Variants in PGPEP1L observed in about 807,000 individuals in gnomAD.
The protein encoded by PGPEP1L is pyroglutamyl-peptidase I like, also known as pyroglutamyl-peptidase 1-like protein.
Under a neutral mutation model 6.0 loss-of-function variants are expected in PGPEP1L, and 7 were observed. The observed-to-expected ratio is 1.17, with a 90% CI of 0.66 to 2.19. PGPEP1L has a LOEUF of 2.19. PGPEP1L is among the 30% of genes most tolerant of loss of function. The pLI is 0.00. For missense variants in PGPEP1L, 209 were observed against 192.5 expected, an observed-to-expected ratio of 1.09 and a Z score of -0.51; for synonymous variants, 103 against 83.9, an observed-to-expected ratio of 1.23 and a Z score of -1.24.
At chr15:98,975,134 T>C in intron 2 of PGPEP1L, among the ~76,000 whole-genome samples, 1 of 152,222 alleles carries the variant, frequency 6.6e-6, no homozygotes, top group South Asian at 2.1e-4. Context: ...TGGAATATTG[T>C]TCAGCCAGAA....
intron 2 of PGPEP1L, among the ~76,000 whole-genome samples, chr15:98,991,105 A>G (rs377758112): frequency 1.3e-5 from 2 of 152,164 alleles, no homozygotes; most frequent in African/African-American, 4.8e-5. Context: ...GAAATAACTA[A>G]GATCAGAGTA....
intron 2 of PGPEP1L, among the ~76,000 whole-genome samples, chr15:98,998,359 A>G (rs2017916379): frequency 6.6e-6 from 1 of 152,218 alleles, no homozygotes; most frequent in African/African-American, 2.4e-5. Flanking sequence ...GCATTCTCAG[A>G]GTCCTCACAT....
intron 2 of PGPEP1L, among the ~76,000 whole-genome samples, chr15:99,003,203 TAAAAAA>T (rs11292817): frequency 1.5e-5 from 2 of 135,092 alleles, no homozygotes; most frequent in African/African-American, 5.6e-5. Flanking sequence ...ATAGTGAGAT[TAAAAAA>T]AAAAAAAAGC....
At chr15:98,972,405 TA>T (rs1258423014) in intron 2 of PGPEP1L, among the ~76,000 whole-genome samples, 1 of 147,962 alleles carries the variant, frequency 6.8e-6, no homozygotes, top group East Asian at 2.0e-4. Context: ...TAGCATGGAA[TA>T]AAAACATTCT....
chr15:98,970,997 C>T (rs368047140), intron 3 of PGPEP1L, 39 bp downstream of exon 3: 46 of 1,610,346 alleles, frequency 2.9e-5, no homozygotes, highest in East Asian at 2.0e-4. Context: ...AGCTCCACAT[C>T]GCCAGTCCCA....
chr15:98,971,194 TGGGGGGGGG>T (rs57036063), intron 2 of PGPEP1L, 36 bp from the exon 3 acceptor site: 26 of 587,048 alleles, frequency 4.4e-5, no homozygotes, highest in Non-Finnish European at 5.3e-5. Context: ...CCTCAGTTGA[TGGGGGGGGG>T]GGGGGGGTGG....
intron 2 of PGPEP1L, among the ~76,000 whole-genome samples, chr15:99,002,834 C>G (rs1285541792): frequency 7.0e-6 from 1 of 142,468 alleles, no homozygotes; most frequent in Non-Finnish European, 1.5e-5. Flanking sequence ...TGTGACATTT[C>G]CACCTCTGAT....
At chr15:99,000,090 C>T (rs566195994) in intron 2 of PGPEP1L, among the ~76,000 whole-genome samples, 45 of 152,356 alleles carry the variant, frequency 3.0e-4, no homozygotes, top group African/African-American at 1.1e-3. Context: ...GCAGTGCTTG[C>T]GGGCCAGCGC....
chr15:98,994,447 A>G (rs2017860613), intron 2 of PGPEP1L, among the ~76,000 whole-genome samples: 1 of 151,960 alleles, frequency 6.6e-6, no homozygotes, highest in Admixed American at 6.6e-5. Context: ...TGAGTCCAGG[A>G]GTTCAAGATC....
chr15:98,975,746 T>C (rs911704650), intron 2 of PGPEP1L, among the ~76,000 whole-genome samples: 1 of 152,068 alleles, frequency 6.6e-6, no homozygotes, highest in Admixed American at 6.5e-5. Context: ...CCAGGCATGG[T>C]GGTGCATGCC....
intron 1 of PGPEP1L, among the ~76,000 whole-genome samples, chr15:99,007,135 G>A (rs111772803): frequency 1.3e-5 from 2 of 152,208 alleles, no homozygotes; most frequent in Non-Finnish European, 2.9e-5. Context: ...TGGGCTGCAG[G>A]CCTCTTCACT....
chr15:98,972,742 G>A (rs1261205705), intron 2 of PGPEP1L, among the ~76,000 whole-genome samples: 1 of 151,816 alleles, frequency 6.6e-6, no homozygotes, highest in Non-Finnish European at 1.5e-5. Context: ...ATGGTGGCAG[G>A]CACCTGTAGT....
chr15:98,994,104 A>G (rs993867685), intron 2 of PGPEP1L, among the ~76,000 whole-genome samples: 1 of 151,940 alleles, frequency 6.6e-6, no homozygotes, highest in African/African-American at 2.4e-5. Context: ...CGTCTGTACT[A>G]AAAATGCAAA....
In PGPEP1L at chr15:98,968,360, CAG is replaced by C. The variant is rs376987294; in HGVS notation, c.*116_*117del. 1.1e-3 allele frequency: 1,092 copies of C among 1,004,632 alleles called. 9 individuals carry two copies. The African/African-American group carries it at 0.016, about 14-fold the overall frequency. The allele number at this position is 1,004,632 out of a possible 1,614,324, so 62.2% of individuals were successfully genotyped here. On this transcript the variant is annotated 3_prime_UTR_variant, in exon 5 of 5. Coordinates refer to ENST00000535714, the MANE Select transcript of PGPEP1L (RefSeq NM_001167902.2). ...CCTTTGTGATTTTGTTGGGCTAATT[CAG>C]AGTTTTCCACCCTCTTTGTCTTACA...
chr15:98,984,009 C>CTTTTTTTTGTT (rs2017706913), intron 2 of PGPEP1L, among the ~76,000 whole-genome samples: 1 of 115,730 alleles, frequency 8.6e-6, no homozygotes. Flanking sequence ...AGTAAGTAGT[C>CTTTTTTTTGTT]TTTTTTTTTT....
intron 2 of PGPEP1L, chr15:98,998,259 A>T (rs1372898113): frequency 6.6e-6 from 1 of 152,056 alleles, no homozygotes; most frequent in Non-Finnish European, 1.5e-5. Context: ...ACCCCATAAG[A>T]CTCTGTTCCT....
intron 2 of PGPEP1L, among the ~76,000 whole-genome samples, chr15:99,003,394 C>CAA (rs1336175237): frequency 3.3e-5 from 5 of 151,052 alleles, no homozygotes; most frequent in Admixed American, 6.6e-5. Context: ...TCTTGTGTTT[C>CAA]AAGTTCAAAC....
At chr15:99,007,205 C>G (rs2018085981) in intron 1 of PGPEP1L, among the ~76,000 whole-genome samples, 154 bp downstream of exon 1, 1 of 152,158 alleles carries the variant, frequency 6.6e-6, no homozygotes, top group Admixed American at 6.5e-5. Context: ...TCCTGAGAAG[C>G]TGGGCCCACC....
At chr15:98,997,112 G>C (rs1346452541) in intron 2 of PGPEP1L, among the ~76,000 whole-genome samples, 2 of 152,082 alleles carry the variant, frequency 1.3e-5, no homozygotes, top group Admixed American at 6.5e-5. Flanking sequence ...TCGAGGATTT[G>C]GCAAAAAAGG....
Sources: gnomAD v4.1 joint callset for allele counts (sites outside exome capture counted in the v4.1 genomes callset) on GRCh38, gnomAD v4.1.1 for gene constraint, MANE v1.5 for transcripts, NCBI Gene and HGNC (gene_info 2026-07-23, HGNC 2026-07-21) for gene names.